Variants in PHACTR3 observed in about 807,000 individuals in gnomAD.
PHACTR3 encodes the protein phosphatase and actin regulator 3, also known as protein phosphatase 1, regulatory subunit 123.
Under a neutral mutation model 66.8 loss-of-function variants are expected in PHACTR3, and 16 were observed. The ratio of observed to expected loss-of-function variants is 0.24; its 90% CI spans 0.16 to 0.36. The LOEUF is 0.36. PHACTR3 is among the 10% of genes least tolerant of loss of function. PHACTR3 has a pLI of 1.00. For synonymous variants in PHACTR3, 323 were observed against 292.1 expected (o/e 1.11, Z -1.08); for missense variants, 647 against 719.9 (o/e 0.90, Z 1.16).
chr20:59,706,664 C>A lies in PHACTR3; in HGVS notation c.119-36443C>A, dbSNP rs112425635. Among the ~76,000 whole-genome samples the A allele has an allele frequency of 6.0e-3, 907 of 152,302 alleles. 8 individuals carry two copies. Among genetic ancestry groups the A allele is most frequent in the Non-Finnish European group, 9.9e-3 (674 of 68,024 alleles). ...GAGCTGGTAATTGGGGAAAGAAGGG[C>A]TTTTTTTCTGCTTTGCTTGTTCCAA... is the stretch of plus-strand genomic sequence containing the variant. On this transcript the variant is annotated intron_variant, in intron 1 of 12. Coordinates refer to ENST00000371015, the MANE Select transcript of PHACTR3 (RefSeq NM_080672.5).
chr20:59,676,860 C>A, intron 1 of PHACTR3: 1 of 352,716 alleles, frequency 2.8e-6, no homozygotes, highest in Non-Finnish European at 3.9e-6. Context: ...CAAATTCTAG[C>A]AGCAGCAGGG....
intron 7 of PHACTR3, among the ~76,000 whole-genome samples, chr20:59,793,108 T>A (rs1289223746): frequency 6.6e-6 from 1 of 152,088 alleles, no homozygotes; most frequent in African/African-American, 2.4e-5. Flanking sequence ...AGGGTGCTCT[T>A]GAACTCTTGA....
intron 1 of PHACTR3, among the ~76,000 whole-genome samples, chr20:59,584,953 T>TA (rs1671269158): frequency 1.3e-5 from 2 of 152,006 alleles, no homozygotes; most frequent in Non-Finnish European, 2.9e-5. Context: ...ATCACCCCTT[T>TA]AAAAAACGCC....
At chr20:59,628,023 C>G (rs1263963251) in intron 1 of PHACTR3, 7 of 152,228 alleles carry the variant, frequency 4.6e-5, no homozygotes, top group Non-Finnish European at 7.3e-5. Flanking sequence ...CCTTCTGCCC[C>G]CTCCTTAGCC....
chr20:59,733,757 G>T (rs1360089628), intron 1 of PHACTR3, among the ~76,000 whole-genome samples: 1 of 152,120 alleles, frequency 6.6e-6, no homozygotes, highest in African/African-American at 2.4e-5. Context: ...TGTAATGTAG[G>T]TGATGAAAAT....
intron 1 of PHACTR3, among the ~76,000 whole-genome samples, chr20:59,690,942 G>A (rs1018503215): frequency 6.6e-6 from 1 of 152,198 alleles, no homozygotes; most frequent in Non-Finnish European, 1.5e-5. Context: ...ACAGTATTGA[G>A]GGCCATGACA....
At chr20:59,589,878 T>C (rs2033139485) in intron 1 of PHACTR3, among the ~76,000 whole-genome samples, 1 of 152,250 alleles carries the variant, frequency 6.6e-6, no homozygotes, top group South Asian at 2.1e-4. Context: ...TTATTAACAT[T>C]CTAACGATCC....
intron 1 of PHACTR3, among the ~76,000 whole-genome samples, chr20:59,711,461 C>T (rs185405942): frequency 1.4e-3 from 220 of 152,220 alleles, no homozygotes; most frequent in African/African-American, 5.1e-3. Context: ...AAATCAACTA[C>T]CAGTTTGGCA....
At chr20:59,670,747 T>C (rs1426403924) in intron 1 of PHACTR3, among the ~76,000 whole-genome samples, 1 of 152,204 alleles carries the variant, frequency 6.6e-6, no homozygotes, top group Non-Finnish European at 1.5e-5. Context: ...TGCTTGTGTT[T>C]ACAGCCTGCT....
At chr20:59,827,823 C>T (rs1411527702) in intron 8 of PHACTR3, among the ~76,000 whole-genome samples, 1 of 152,134 alleles carries the variant, frequency 6.6e-6, no homozygotes, top group Non-Finnish European at 1.5e-5. Flanking sequence ...CATCAGAAGC[C>T]CCCCACTGCA....
intron 1 of PHACTR3, among the ~76,000 whole-genome samples, chr20:59,622,996 A>AAAAAAAAAAAAAAAAAAAAAAAC (rs1568940612): frequency 1.6e-4 from 23 of 146,528 alleles, no homozygotes; most frequent in African/African-American, 5.9e-4. Flanking sequence ...AAAAAAAAAA[A>AAAAAAAAAAAAAAAAAAAAAAAC]AAAAACCCAA....
chr20:59,609,401 C>T (rs1299420586), intron 1 of PHACTR3, among the ~76,000 whole-genome samples: 1 of 152,146 alleles, frequency 6.6e-6, no homozygotes, highest in African/African-American at 2.4e-5. Flanking sequence ...TTCTTGACAC[C>T]TCCCTCTCCC....
intron 1 of PHACTR3, among the ~76,000 whole-genome samples, chr20:59,742,586 T>G (rs924185890): frequency 4.6e-5 from 7 of 152,052 alleles, no homozygotes; most frequent in African/African-American, 1.7e-4. Context: ...GGCAGCCTGG[T>G]GGGAGGGCAG....
At chr20:59,670,610 G>GGGT (rs2036161347) in intron 1 of PHACTR3, among the ~76,000 whole-genome samples, 5 of 137,148 alleles carry the variant, frequency 3.6e-5, no homozygotes, top group Admixed American at 1.5e-4. Flanking sequence ...GGGGGTGGGG[G>GGGT]GGGGGGGCAG....
At chr20:59,604,108 G>A (rs999701803), upstream of PHACTR3, among the ~76,000 whole-genome samples, 1 of 151,774 alleles carries the variant, frequency 6.6e-6, no homozygotes, top group Non-Finnish European at 1.5e-5. Context: ...GGTTCGGAGG[G>A]TCCGGGGTGC....
At chr20:59,589,734 C>T (rs2033136030) in intron 1 of PHACTR3, among the ~76,000 whole-genome samples, 1 of 152,160 alleles carries the variant, frequency 6.6e-6, no homozygotes, top group Non-Finnish European at 1.5e-5. Context: ...AGAAGGAGAA[C>T]ATGTTTGGGT....
chr20:59,598,218 C>G (rs1395337184), intron 1 of PHACTR3, among the ~76,000 whole-genome samples: 2 of 152,216 alleles, frequency 1.3e-5, no homozygotes, highest in African/African-American at 4.8e-5. Flanking sequence ...AGATAGGCCC[C>G]TCTCCCAGTC....
At chr20:59,756,448 C>T (rs1476589976) in intron 4 of PHACTR3, among the ~76,000 whole-genome samples, 1 of 152,196 alleles carries the variant, frequency 6.6e-6, no homozygotes, top group Non-Finnish European at 1.5e-5. Context: ...TGGCACCACA[C>T]ACTCGCAGGC....
At chr20:59,689,733 T>C (rs73142819) in intron 1 of PHACTR3, among the ~76,000 whole-genome samples, 4,163 of 152,286 alleles carry the variant, frequency 0.027, 105 homozygotes, top group Non-Finnish European at 0.041. Context: ...CACCAACCTC[T>C]ACCTAGCTAC....
Sources: gnomAD v4.1 joint callset for allele counts (sites outside exome capture counted in the v4.1 genomes callset) on GRCh38, gnomAD v4.1.1 for gene constraint, MANE v1.5 for transcripts, NCBI Gene and HGNC (gene_info 2026-07-23, HGNC 2026-07-21) for gene names.